USP31: variants seen among roughly 807,000 people sequenced by gnomAD.
USP31 encodes the protein ubiquitin specific peptidase 31, also known as ubiquitin carboxyl-terminal hydrolase 31.
Under a neutral mutation model 119.4 loss-of-function variants are expected in USP31, and 44 were observed. That is an observed-to-expected ratio of 0.37 (90% CI 0.29 to 0.47). The LOEUF (loss-of-function observed/expected upper bound fraction) is 0.47. Among genes scored for constraint, USP31 ranks in the 20% least tolerant of loss-of-function variants. The pLI, the probability that USP31 is intolerant of heterozygous loss-of-function variation, is 0.99. For synonymous variants in USP31, 749 were observed against 705.6 expected (o/e 1.06, Z -0.97); for missense variants, 1,643 against 1,730.2 (o/e 0.95, Z 0.89).
intron 6 of USP31, among the ~76,000 whole-genome samples, chr16:23,095,288 G>A (rs1161148038): frequency 6.6e-6 from 1 of 151,996 alleles, no homozygotes; most frequent in African/African-American, 2.4e-5. Context: ...AAGAACACAA[G>A]GTTAGAGAAA....
chr16:23,131,252 T>C (rs1567246286), intron 1 of USP31, among the ~76,000 whole-genome samples: 1 of 152,180 alleles, frequency 6.6e-6, no homozygotes, highest in Non-Finnish European at 1.5e-5. Flanking sequence ...CAGTGAGCTA[T>C]GATCATGCCA....
At chr16:23,106,161 A>G in intron 4 of USP31, 52 bp downstream of exon 4, 1 of 1,604,652 alleles carries the variant, frequency 6.2e-7, no homozygotes, top group Non-Finnish European at 8.5e-7. Context: ...CTACAGAGGC[A>G]AAGGGATACC....
chr16:23,105,300 A>T lies in USP31; in HGVS notation c.1089+141T>A, dbSNP rs1902049668. 3.6e-6 allele frequency: 4 copies of T among 1,116,726 alleles called. No homozygotes were observed. The South Asian group carries it at 1.0e-4, about 29-fold the overall frequency. The allele number at this position is 1,116,726 out of a possible 1,614,324, so 69.2% of individuals were successfully genotyped here. A position where few individuals can be genotyped will look rare whatever the true frequency, so the allele number is the denominator to read the frequency against. On this transcript the variant is annotated intron_variant, in intron 5 of 15. Transcript: ENST00000219689. ...ATACATTTTAGTCTTTGGGGCCTTG[A>T]TTTTTTTCCCTAAACTCTAAATGCA...
chr16:23,128,745 G>A (rs1902942019), intron 1 of USP31, among the ~76,000 whole-genome samples: 2 of 152,180 alleles, frequency 1.3e-5, no homozygotes, highest in African/African-American at 4.8e-5. Context: ...AAACCAAACA[G>A]TGCAGGCTTT....
In USP31 at chr16:23,068,901, TAG is replaced by T. The variant is rs1900214326; in HGVS notation, c.3202_3203del (p.Leu1068LysfsTer88). The part of the protein sequence containing the change: ...PSSPLPVKVS[L>X]KPSRSRSKAD... Reference sequence around the variant, plus strand: ...CTTTGCTGCGGGAGCGGGAGGGCTTTAGAGAGACTTTTACAGGAAGAGGAGAA... The same window carrying T: ...CTTTGCTGCGGGAGCGGGAGGGCTTTAGAGACTTTTACAGGAAGAGGAGAA... On this transcript the variant is annotated frameshift_variant, in exon 16 of 16. Transcript: ENST00000219689. LOFTEE classifies it high-confidence loss of function. The T allele has an allele frequency of 1.9e-6, 3 of 1,611,626 alleles. No individual in the cohort carries two copies. The highest frequency in any genetic ancestry group is 2.5e-6 in the Non-Finnish European group (3 of 1,178,984).
chr16:23,148,611 TG>T, intron 1 of USP31, 26 bp downstream of exon 1: 2 of 1,444,562 alleles, frequency 1.4e-6, no homozygotes, highest in Admixed American at 2.8e-5. Context: ...CGGGGTGCAG[TG>T]GGGGCGCGGC....
Position 23,107,061 on chromosome 16 carries a change from G to A in USP31, c.772-574C>T, listed in dbSNP as rs1022273938. Among the ~76,000 whole-genome samples, 11 of 151,466 alleles carry A rather than the reference G, an allele frequency of 7.3e-5. No individual in the cohort carries two copies. The East Asian group carries it at 7.8e-4, about 11-fold the overall frequency. The stretch of plus-strand genomic sequence containing the variant: ...CAGGAAGCAGAGGTTGTGGTGAGCC[G>A]AGACTGTGCCACTGCACTTCAGCCT... On this transcript the variant is annotated intron_variant, in intron 2 of 15. Coordinates refer to ENST00000219689, the MANE Select transcript of USP31 (RefSeq NM_020718.4).
intron 1 of USP31, among the ~76,000 whole-genome samples, chr16:23,129,434 T>C (rs1341957433): frequency 6.6e-6 from 1 of 152,134 alleles, no homozygotes; most frequent in Non-Finnish European, 1.5e-5. Context: ...AGGCAGACAA[T>C]GGCATTATCA....
At chr16:23,084,065 A>G (rs1476251426) in intron 11 of USP31, among the ~76,000 whole-genome samples, 1 of 152,208 alleles carries the variant, frequency 6.6e-6, no homozygotes, top group Non-Finnish European at 1.5e-5. Flanking sequence ...GAAGAACCCA[A>G]CCACCAGAAT....
chr16:23,074,658 C>T (rs1900484864), intron 13 of USP31, among the ~76,000 whole-genome samples: 1 of 152,166 alleles, frequency 6.6e-6, no homozygotes, highest in Non-Finnish European at 1.5e-5. Flanking sequence ...GGAGCACAAA[C>T]CAGGCTCCAT....
chr16:23,097,090 C>T (rs983417720), intron 6 of USP31, among the ~76,000 whole-genome samples: 2 of 151,544 alleles, frequency 1.3e-5, no homozygotes, highest in Non-Finnish European at 2.9e-5. Context: ...ATTGATAGAC[C>T]GCTAGCAAGA....
At chr16:23,087,646 C>T in intron 8 of USP31, 78 bp downstream of exon 8, 10 of 1,350,132 alleles carry the variant, frequency 7.4e-6, no homozygotes, top group Non-Finnish European at 1.0e-5. Flanking sequence ...ACACAAGAAA[C>T]TCAAATTTCA....
Position 23,068,777 on chromosome 16 carries a change from G to A in USP31, c.3328C>T (p.Pro1110Ser), listed in dbSNP as rs759288799. 6.4e-7 allele frequency: 1 copy of A among 1,574,692 alleles called. No individual in the cohort carries two copies. Among genetic ancestry groups the A allele is most frequent in the East Asian group, 2.2e-5 (1 of 44,588 alleles). Residue 1110 changes from proline (P) to serine (S), a missense_variant, in exon 16 of 16, where the codon CCT becomes TCT. Transcript: ENST00000219689. ...SPKSQDSVSS[P>S]SPQKQKSASA... ...GCTGACTTCTGCTTCTGTGGCGAAG[G>A]AGATGACACGGAGTCCTGAGATTTC...
chr16:23,147,649 G>A (rs1304406579), intron 1 of USP31, among the ~76,000 whole-genome samples: 1 of 152,176 alleles, frequency 6.6e-6, no homozygotes, highest in Non-Finnish European at 1.5e-5. Flanking sequence ...CATACCCCCA[G>A]GGATGTATAG....
intron 1 of USP31, among the ~76,000 whole-genome samples, chr16:23,125,626 G>A (rs1902829197): frequency 6.6e-6 from 1 of 152,100 alleles, no homozygotes; most frequent in African/African-American, 2.4e-5. Context: ...GCTTTTAAAG[G>A]AGTTTGTCCT....
intron 15 of USP31, among the ~76,000 whole-genome samples, chr16:23,069,910 G>C (rs1194201501): frequency 6.6e-6 from 1 of 152,190 alleles, no homozygotes; most frequent in South Asian, 2.1e-4. Flanking sequence ...TGAAGGCCTA[G>C]ACAGCAGATG....
Position 23,068,903 on chromosome 16 carries a change from G to C in USP31, c.3202C>G (p.Leu1068Val). The C allele has an allele frequency of 6.2e-7, 1 of 1,611,930 alleles. No homozygotes were observed. The highest frequency in any genetic ancestry group is 1.3e-5 in the African/African-American group (1 of 74,864). The change falls in exon 16 of 16, where the codon CTA becomes GTA. Residue 1068 changes from leucine (L) to valine (V), a missense_variant. By Grantham distance (32) the Leu-to-Val change is conservative. Transcript: ENST00000219689. ...PSSPLPVKVS[L>V]KPSRSRSKAD... ...TTGCTGCGGGAGCGGGAGGGCTTTA[G>C]AGAGACTTTTACAGGAAGAGGAGAA...
chr16:23,139,151 G>A (rs191240630), intron 1 of USP31, among the ~76,000 whole-genome samples: 2 of 152,200 alleles, frequency 1.3e-5, no homozygotes, highest in African/African-American at 2.4e-5. Context: ...GCCTGTAATC[G>A]CAACACTTTG....
At chr16:23,081,305 A>G (rs577275949) in intron 12 of USP31, among the ~76,000 whole-genome samples, 1 of 152,328 alleles carries the variant, frequency 6.6e-6, no homozygotes, top group Admixed American at 6.5e-5. Context: ...ACCCTCAGCC[A>G]GCTTTCCACC....
Sources: allele counts gnomAD v4.1 joint callset (sites outside exome capture counted in the v4.1 genomes callset), GRCh38; gene constraint gnomAD v4.1.1; transcripts MANE v1.5; gene names NCBI Gene and HGNC (gene_info 2026-07-23, HGNC 2026-07-21).